TTC27: variants seen among roughly 807,000 people sequenced by gnomAD.
The protein encoded by TTC27 is tetratricopeptide repeat domain 27, also known as tetratricopeptide repeat protein 27.
TTC27 carries 79 observed loss-of-function variants against 115.9 expected under a neutral mutation model. That is an observed-to-expected ratio of 0.68 (90% CI 0.57 to 0.82). The LOEUF (loss-of-function observed/expected upper bound fraction) is 0.82. Among genes scored for constraint, TTC27 ranks in the 40% least tolerant of loss-of-function variants. TTC27 has a pLI of 0.00. For synonymous variants in TTC27, 401 were observed against 356.0 expected (o/e 1.13, Z -1.42); for missense variants, 1,054 against 993.1 (o/e 1.06, Z -0.82).
chr2:32,752,066 T>C (rs2147985248), intron 12 of TTC27, among the ~76,000 whole-genome samples: 1 of 152,354 alleles, frequency 6.6e-6, no homozygotes, highest in South Asian at 2.1e-4. Flanking sequence ...GCCATGCTGA[T>C]TGCAAATAAC....
chr2:32,670,566 G>A (rs1191253382), intron 7 of TTC27, among the ~76,000 whole-genome samples: 1 of 151,904 alleles, frequency 6.6e-6, no homozygotes, highest in East Asian at 1.9e-4. Context: ...TAATAAACCT[G>A]CCTAGAAAAT....
intron 6 of TTC27, among the ~76,000 whole-genome samples, chr2:32,664,937 A>T (rs950007465): frequency 6.6e-6 from 1 of 151,780 alleles, no homozygotes; most frequent in Non-Finnish European, 1.5e-5. Flanking sequence ...GGTTCAAGCA[A>T]TTCTCCTGCC....
At chr2:32,705,800 TG>T (rs1366090181) in intron 10 of TTC27, among the ~76,000 whole-genome samples, 1 of 152,024 alleles carries the variant, frequency 6.6e-6, no homozygotes, top group Admixed American at 6.6e-5. Flanking sequence ...GCAATCCTCC[TG>T]CCTTGGCCTC....
At chr2:32,811,370 G>C (rs1049953509) in intron 17 of TTC27, 149 bp downstream of exon 17, 1 of 745,492 alleles carries the variant, frequency 1.3e-6, no homozygotes, top group East Asian at 2.7e-5. Flanking sequence ...TTTAACCTAC[G>C]TACTTTGAAT....
At chr2:32,662,281 A>G (rs1378322512) in intron 5 of TTC27, among the ~76,000 whole-genome samples, 2 of 152,216 alleles carry the variant, frequency 1.3e-5, no homozygotes, top group Non-Finnish European at 2.9e-5. Flanking sequence ...TGCTGGCCTC[A>G]TAAAATGAGT....
At chr2:32,796,481 C>T (rs1366818857) in intron 16 of TTC27, among the ~76,000 whole-genome samples, 2 of 152,014 alleles carry the variant, frequency 1.3e-5, no homozygotes, top group African/African-American at 4.8e-5. Flanking sequence ...ACTGATTCTA[C>T]AGAAATAAAA....
intron 3 of TTC27, among the ~76,000 whole-genome samples, chr2:32,637,525 G>A (rs1664475049): frequency 6.6e-6 from 1 of 151,972 alleles, no homozygotes; most frequent in Non-Finnish European, 1.5e-5. Context: ...TAGAGACGGG[G>A]TTTCACCTTA....
At chr2:32,688,770 T>A (rs1030524591) in intron 9 of TTC27, among the ~76,000 whole-genome samples, 1 of 152,098 alleles carries the variant, frequency 6.6e-6, no homozygotes, top group African/African-American at 2.4e-5. Context: ...AGAACTCTCA[T>A]ACAATGCTGG....
At chr2:32,708,843 G>C (rs1290543229) in intron 10 of TTC27, among the ~76,000 whole-genome samples, 9 of 152,052 alleles carry the variant, frequency 5.9e-5, no homozygotes, top group Admixed American at 4.6e-4. Flanking sequence ...GACTCTATCT[G>C]CTCCCTTGGA....
intron 10 of TTC27, among the ~76,000 whole-genome samples, chr2:32,729,394 G>A (rs1462751875): frequency 6.6e-6 from 1 of 152,084 alleles, no homozygotes; most frequent in African/African-American, 2.4e-5. Context: ...AAAGGAGAGG[G>A]GACATCATTG....
At chr2:32,798,713 A>T (rs12329107) in intron 16 of TTC27, among the ~76,000 whole-genome samples, 6,159 of 142,334 alleles carry the variant, frequency 0.043, 195 homozygotes, top group Non-Finnish European at 0.063. Context: ...TCAAAAAAAA[A>T]AATAATAATA....
intron 8 of TTC27, among the ~76,000 whole-genome samples, chr2:32,673,130 T>G (rs1666069419): frequency 1.3e-5 from 2 of 152,174 alleles, no homozygotes. Context: ...TGCATGATCT[T>G]GACACTTGAA....
intron 5 of TTC27, among the ~76,000 whole-genome samples, chr2:32,652,169 C>T (rs542882954): frequency 2.0e-5 from 3 of 152,178 alleles, no homozygotes; most frequent in South Asian, 4.1e-4. Context: ...GTCAGGAGTT[C>T]GAGACCAGTC....
chr2:32,776,783 A>G (rs778945835), intron 13 of TTC27, among the ~76,000 whole-genome samples: 2 of 151,910 alleles, frequency 1.3e-5, no homozygotes, highest in Non-Finnish European at 2.9e-5. Context: ...TAATTTTTGT[A>G]TTTTTAGTTG....
At chr2:32,699,970 A>G (rs1256655190) in intron 9 of TTC27, among the ~76,000 whole-genome samples, 1 of 152,148 alleles carries the variant, frequency 6.6e-6, no homozygotes, top group East Asian at 1.9e-4. Flanking sequence ...GTTTGGGACA[A>G]CCTTTTTAAA....
chr2:32,631,403 T>G (rs1357690693), intron 2 of TTC27, among the ~76,000 whole-genome samples: 1 of 152,226 alleles, frequency 6.6e-6, no homozygotes, highest in African/African-American at 2.4e-5. Flanking sequence ...ATTATTATCT[T>G]TATAGAGCTC....
chr2:32,722,040 C>G (rs751440486), intron 10 of TTC27, among the ~76,000 whole-genome samples: 2 of 152,188 alleles, frequency 1.3e-5, no homozygotes, highest in Non-Finnish European at 2.9e-5. Flanking sequence ...TAAACGTTGA[C>G]TCTTATTATC....
chr2:32,748,123 C>G (rs1474854153), intron 12 of TTC27, among the ~76,000 whole-genome samples: 1 of 151,962 alleles, frequency 6.6e-6, no homozygotes, highest in African/African-American at 2.4e-5. Flanking sequence ...CAGGCTTTTG[C>G]TACATCCCGT....
At position 32,766,451 on chromosome 2, in the gene TTC27, A is replaced by G. The variant is rs571332044; in HGVS notation, c.1680+7932A>G. 3.9e-4 allele frequency: 171 copies of G among 439,136 alleles called. No homozygotes were observed. The Admixed American group carries it at 4.3e-3, about 11-fold the overall frequency. 27.2% of individuals were successfully genotyped at this position (439,136 alleles called of 1,614,324 possible). A position where few individuals can be genotyped will look rare whatever the true frequency, so the allele number is the denominator to read the frequency against. ...TAGGGTTATTAATTGTCTAATTTCA[A>G]TATTGTTGTGTCTTAGGGAAGCGGG... On this transcript the variant is annotated intron_variant, in intron 13 of 19. Coordinates refer to ENST00000317907, the MANE Select transcript of TTC27 (RefSeq NM_017735.5).
Sources: allele counts gnomAD v4.1 joint callset (sites outside exome capture counted in the v4.1 genomes callset), GRCh38; gene constraint gnomAD v4.1.1; transcripts MANE v1.5; gene names NCBI Gene and HGNC (gene_info 2026-07-23, HGNC 2026-07-21).